Variants in CTCF observed in about 807,000 individuals in gnomAD.
The protein encoded by CTCF is transcriptional repressor CTCF.
In CTCF, 7 loss-of-function variants were observed where a neutral mutation model predicts 72.3. That is an observed-to-expected ratio of 0.10 (90% CI 0.06 to 0.18). CTCF has a LOEUF of 0.18. Among genes scored for constraint, CTCF ranks in the 10% least tolerant of loss-of-function variants. The pLI is 1.00. For missense variants in CTCF, 516 were observed against 949.1 expected (o/e 0.54, Z 6.00); for synonymous variants, 374 against 315.8 (o/e 1.18, Z -1.95).
intron 2 of CTCF, among the ~76,000 whole-genome samples, chr16:67,593,090 A>G (rs1231758335): frequency 6.7e-6 from 1 of 148,736 alleles, no homozygotes; most frequent in African/African-American, 2.4e-5. Flanking sequence ...ATATATTTGT[A>G]TATCTTTTTT....
At chr16:67,627,331 A>T (rs1213776816) in intron 8 of CTCF, 1 of 152,140 alleles carries the variant, frequency 6.6e-6, no homozygotes, top group East Asian at 1.9e-4. Flanking sequence ...CGCCTCTACT[A>T]AAAATACAAA....
At chr16:67,628,670 T>G (rs897211586) in intron 9 of CTCF, 118 bp downstream of exon 9, 2 of 1,033,440 alleles carry the variant, frequency 1.9e-6, no homozygotes, top group Non-Finnish European at 1.5e-6. Context: ...CTCCATTGTT[T>G]GGAAAGGGTT....
chr16:67,604,734 TTTTTTTTTTTGTTTTTTG>T lies in CTCF; in HGVS notation c.-9-6079_-9-6062del, dbSNP rs1330426358. Among the ~76,000 whole-genome samples the T allele has an allele frequency of 1.7e-3, 250 of 142,978 alleles. 4 individuals are homozygous for T. The highest frequency in any genetic ancestry group is 6.6e-3 in the African/African-American group (229 of 34,750). The allele number at this position is 142,978 out of a possible 152,430, so 93.8% of individuals were successfully genotyped here. ...ACTAAAATTAATTTCACCAGGGTTT[TTTTTTTTTTTGTTTTTTG>T]TTTTTTTTTTTTACTTTTTAATATG... On this transcript the variant is annotated intron_variant, in intron 2 of 11. Transcript: ENST00000264010.
At chr16:67,596,559 A>C (rs2051817840) in intron 2 of CTCF, among the ~76,000 whole-genome samples, 1 of 151,722 alleles carries the variant, frequency 6.6e-6, no homozygotes, top group Admixed American at 6.6e-5. Flanking sequence ...TTTTTGTCAT[A>C]CATAATTTTA....
chr16:67,607,676 A>G (rs1320265791), intron 2 of CTCF, among the ~76,000 whole-genome samples: 4 of 151,830 alleles, frequency 2.6e-5, no homozygotes, highest in Non-Finnish European at 5.9e-5. Flanking sequence ...TATATATTCA[A>G]TTTGGTTGGC....
At chr16:67,618,630 A>T (rs1031264545) in intron 5 of CTCF, among the ~76,000 whole-genome samples, 3 of 152,232 alleles carry the variant, frequency 2.0e-5, no homozygotes, top group East Asian at 3.8e-4. Flanking sequence ...TTGCTTACAG[A>T]GAAAATCTAA....
intron 2 of CTCF, among the ~76,000 whole-genome samples, chr16:67,608,122 A>C (rs2052002493): frequency 6.6e-6 from 1 of 151,698 alleles, no homozygotes; most frequent in South Asian, 2.1e-4. Flanking sequence ...CAGGAAATCG[A>C]GACCATCCTG....
chr16:67,613,689 T>C (rs2052090068), intron 4 of CTCF, among the ~76,000 whole-genome samples: 1 of 152,098 alleles, frequency 6.6e-6, no homozygotes, highest in African/African-American at 2.4e-5. Flanking sequence ...GGCAGGAGAA[T>C]CACTTGAATG....
intron 2 of CTCF, among the ~76,000 whole-genome samples, chr16:67,576,550 G>GT (rs35771667): frequency 0.11 from 11,727 of 108,274 alleles, 1,909 homozygotes; most frequent in African/African-American, 0.26. Context: ...ATAATAGAAT[G>GT]TTTTTTTTTT....
chr16:67,632,642 T>G (rs1445032607), intron 10 of CTCF, among the ~76,000 whole-genome samples: 1 of 11,956 alleles, frequency 8.4e-5, no homozygotes, highest in African/African-American at 4.4e-4. Flanking sequence ...TTAGCCTGCT[T>G]TTGTGTGCTT....
chr16:67,606,364 C>T (rs2081510394), intron 2 of CTCF, among the ~76,000 whole-genome samples: 1 of 152,194 alleles, frequency 6.6e-6, no homozygotes, highest in African/African-American at 2.4e-5. Context: ...AAGCATTTTT[C>T]TATCACACCT....
chr16:67,572,473 A>G (rs1247495984), intron 2 of CTCF: 1 of 152,232 alleles, frequency 6.6e-6, no homozygotes, highest in African/African-American at 2.4e-5. Flanking sequence ...TGGGATATGA[A>G]TACCCTTAGG....
At chr16:67,582,366 C>G (rs1057028542) in intron 2 of CTCF, among the ~76,000 whole-genome samples, 5 of 151,982 alleles carry the variant, frequency 3.3e-5, no homozygotes, top group African/African-American at 1.2e-4. Flanking sequence ...TATGTTGTTT[C>G]TACCTATTCC....
At chr16:67,636,575 AT>A in intron 10 of CTCF, 114 bp from the exon 11 acceptor site, 1 of 309,070 alleles carries the variant, frequency 3.2e-6, no homozygotes, top group Non-Finnish European at 5.2e-6. Context: ...AAGTGTATAT[AT>A]ATATATATAT....
rs533827293 is a variant in CTCF at position 67,604,730 on chromosome 16, G to GTTT, written c.-9-6082_-9-6080dup. On this transcript the variant is annotated intron_variant, in intron 2 of 11. Coordinates refer to ENST00000264010, the MANE Select transcript of CTCF (RefSeq NM_006565.4). ...GATTACTAAAATTAATTTCACCAGG[G>GTTT]TTTTTTTTTTTTTTGTTTTTTGTTT... is the stretch of plus-strand genomic sequence containing the variant. 5.5e-4 allele frequency among the ~76,000 whole-genome samples: 68 copies of GTTT among 123,652 alleles called. 2 individuals are homozygous for GTTT. The highest frequency in any genetic ancestry group is 4.4e-3 in the Middle Eastern group (1 of 226). The allele number at this position is 123,652 out of a possible 152,430, so 81.1% of individuals were successfully genotyped here. A position where few individuals can be genotyped will look rare whatever the true frequency, so the allele number is the denominator to read the frequency against.
At position 67,562,635 on chromosome 16, in the gene CTCF, G is replaced by GT. The variant is rs1314248705; in HGVS notation, c.-215dup. 1 of 152,896 alleles carries GT rather than the reference G, an allele frequency of 6.5e-6. No individual in the cohort carries two copies. The highest frequency in any genetic ancestry group is 1.5e-5 in the Non-Finnish European group (1 of 68,556). 9.5% of individuals were successfully genotyped at this position (152,896 alleles called of 1,614,324 possible). A position where few individuals can be genotyped will look rare whatever the true frequency, so the allele number is the denominator to read the frequency against. On this transcript the variant is annotated 5_prime_UTR_variant, in exon 1 of 12. Coordinates refer to ENST00000264010, the MANE Select transcript of CTCF (RefSeq NM_006565.4). Reference sequence around the variant, plus strand: ...GCGGCAGCGGCGGCGGCGGTGGCCGGTGCGGACGCGCGGAGCTCGCCGGAG... The same window carrying GT: ...GCGGCAGCGGCGGCGGCGGTGGCCGGTTGCGGACGCGCGGAGCTCGCCGGAG...
At chr16:67,637,100 G>A (rs2142887797) in intron 11 of CTCF, among the ~76,000 whole-genome samples, 1 of 152,268 alleles carries the variant, frequency 6.6e-6, no homozygotes, top group African/African-American at 2.4e-5. Flanking sequence ...CTGCAAGATG[G>A]GTACTGTTAA....
chr16:67,566,515 T>TAAA (rs377253111), intron 1 of CTCF, among the ~76,000 whole-genome samples: 283 of 76,246 alleles, frequency 3.7e-3, no homozygotes, highest in Non-Finnish European at 5.3e-3. Flanking sequence ...GTCTCAAAAT[T>TAAA]AAAAAAAAAA....
intron 2 of CTCF, among the ~76,000 whole-genome samples, chr16:67,572,952 C>G (rs969724467): frequency 6.1e-5 from 8 of 130,382 alleles, no homozygotes; most frequent in Non-Finnish European, 1.0e-4. Context: ...CCCCCGCCCC[C>G]CCCCCCAAAA....
Sources: allele counts gnomAD v4.1 joint callset (sites outside exome capture counted in the v4.1 genomes callset), GRCh38; gene constraint gnomAD v4.1.1; transcripts MANE v1.5; gene names NCBI Gene and HGNC (gene_info 2026-07-23, HGNC 2026-07-21).